TRAPPC13: variants seen among roughly 807,000 people sequenced by gnomAD.
TRAPPC13 encodes the protein trafficking protein particle complex subunit 13, also known as REV7-interacting novel NHEJ regulator 1.
TRAPPC13 carries 39 observed loss-of-function variants against 54.0 expected under a neutral mutation model. That is an observed-to-expected ratio of 0.72 (90% CI 0.56 to 0.94). TRAPPC13 has a LOEUF of 0.94. Ranked by LOEUF, TRAPPC13 falls within the 40% of genes least tolerant of loss-of-function variation. TRAPPC13 has a pLI of 0.00. For synonymous variants in TRAPPC13, 148 were observed against 167.7 expected, an observed-to-expected ratio of 0.88 and a Z score of 0.91; for missense variants, 386 against 488.1, an observed-to-expected ratio of 0.79 and a Z score of 1.97.
intron 8 of TRAPPC13, 168 bp from the exon 9 acceptor site, chr5:65,658,200 A>G: frequency 1.8e-6 from 1 of 567,288 alleles, no homozygotes; most frequent in Non-Finnish European, 2.8e-6. Flanking sequence ...TAATTATGAT[A>G]GGGTGAAGAT....
chr5:65,632,163 CT>C (rs1475768218), intron 1 of TRAPPC13, among the ~76,000 whole-genome samples: 2 of 152,068 alleles, frequency 1.3e-5, no homozygotes, highest in Non-Finnish European at 2.9e-5. Context: ...GGGGGTGGGT[CT>C]GAGGCAGGAG....
chr5:65,635,465 T>A (rs1357231059), intron 2 of TRAPPC13, 96 bp downstream of exon 2: 1 of 958,332 alleles, frequency 1.0e-6, no homozygotes, highest in Non-Finnish European at 1.6e-6. Flanking sequence ...GTAAATTTTA[T>A]GCTAACCATT....
At chr5:65,653,871 G>A (rs1327095962) in intron 7 of TRAPPC13, among the ~76,000 whole-genome samples, 1 of 152,042 alleles carries the variant, frequency 6.6e-6, no homozygotes, top group Non-Finnish European at 1.5e-5. Context: ...CCTCTTTTTT[G>A]TTATTAATAC....
intron 4 of TRAPPC13, among the ~76,000 whole-genome samples, chr5:65,641,712 GAA>G (rs67025717): frequency 7.2e-5 from 10 of 138,276 alleles, no homozygotes; most frequent in East Asian, 2.2e-4. Context: ...CCCTGTCTGA[GAA>G]AAAAAAAAAA....
intron 1 of TRAPPC13, chr5:65,630,089 A>G (rs1755464205): frequency 6.5e-7 from 1 of 1,536,012 alleles, no homozygotes; most frequent in Non-Finnish European, 8.7e-7. Flanking sequence ...TTATAGAGCA[A>G]GATGGACAAT....
At chr5:65,643,064 A>C (rs1756029783) in intron 4 of TRAPPC13, among the ~76,000 whole-genome samples, 1 of 151,928 alleles carries the variant, frequency 6.6e-6, no homozygotes. Flanking sequence ...CTTTTTTTAT[A>C]TTTTTATCAT....
At chr5:65,634,896 CA>C (rs927627229) in intron 1 of TRAPPC13, 928 of 600,566 alleles carry the variant, frequency 1.5e-3, no homozygotes, top group South Asian at 1.7e-3. Flanking sequence ...AAGCCTGTCT[CA>C]AAAAAAAAAC....
Position 65,647,153 on chromosome 5 carries a change from T to A in TRAPPC13, c.399T>A (p.His133Gln). The change falls in exon 5 of 13, where the codon CAT becomes CAA. Residue 133 changes from histidine to glutamine, a missense_variant. Coordinates refer to ENST00000399438, the MANE Select transcript of TRAPPC13 (RefSeq NM_024941.4). ...KPDCCIDDVI[H>Q]HEVKEIGTHI... ...ATTGTTGTATTGATGATGTCATACATCATGAAGTCAAAGAAATTGGAACAC... is the reference window on the plus strand; with the variant it reads ...ATTGTTGTATTGATGATGTCATACAACATGAAGTCAAAGAAATTGGAACAC... The A allele has an allele frequency of 6.3e-7, 1 of 1,583,976 alleles. No individual in the cohort carries two copies. The highest frequency in any genetic ancestry group is 8.6e-7 in the Non-Finnish European group (1 of 1,163,624).
rs142592214 is a variant in TRAPPC13 at position 65,641,502 on chromosome 5, C to T, written c.300+3722C>T. 4.6e-3 allele frequency among the ~76,000 whole-genome samples: 705 copies of T among 152,084 alleles called. 4 individuals are homozygous for T. The highest frequency in any genetic ancestry group is 0.034 in the Middle Eastern group (10 of 294). On this transcript the variant is annotated intron_variant, in intron 4 of 12. Coordinates refer to ENST00000399438, the MANE Select transcript of TRAPPC13 (RefSeq NM_024941.4). Reference sequence around the variant, plus strand: ...GAGGAGCCCTTGAATCCAGGAGGATCCCCAGGACTCACCTGGGGAATATAA... The same window carrying T: ...GAGGAGCCCTTGAATCCAGGAGGATTCCCAGGACTCACCTGGGGAATATAA...
chr5:65,660,694 C>G lies in TRAPPC13; in HGVS notation c.699-5C>G, dbSNP rs370292748. The G allele has an allele frequency of 1.1e-5, 17 of 1,586,658 alleles. No homozygotes were observed. In the African/African-American group the frequency reaches 1.9e-4, roughly 18 times the overall value. On this transcript the variant is annotated splice_polypyrimidine_tract_variant and splice_region_variant and intron_variant, in intron 9 of 12. Transcript: ENST00000399438. ...TTTCTCCGTCTCTGTCTCCACCCCT[C>G]TCAGTGTGTCTACGTTTGGGTCAAG...
intron 4 of TRAPPC13, among the ~76,000 whole-genome samples, chr5:65,639,586 A>G (rs1038023238): frequency 6.6e-6 from 1 of 152,232 alleles, no homozygotes; most frequent in African/African-American, 2.4e-5. Flanking sequence ...GTTTAAGCCC[A>G]GGAGTTTGAG....
chr5:65,636,586 G>T (rs947954037), intron 3 of TRAPPC13, among the ~76,000 whole-genome samples: 1 of 151,622 alleles, frequency 6.6e-6, no homozygotes, highest in African/African-American at 2.4e-5. Context: ...TTCTTCTTTA[G>T]ATCTTACTAT....
chr5:65,646,136 T>G (rs2150678532), intron 4 of TRAPPC13, among the ~76,000 whole-genome samples: 1 of 151,714 alleles, frequency 6.6e-6, no homozygotes, highest in East Asian at 1.9e-4. Context: ...GTGATAAATG[T>G]TACAAAGGAA....
At chr5:65,627,625 C>CAAAAAAAAAAA (rs77913020) in intron 1 of TRAPPC13, among the ~76,000 whole-genome samples, 1 of 120,410 alleles carries the variant, frequency 8.3e-6, no homozygotes. Context: ...GACTCTGTCT[C>CAAAAAAAAAAA]AAAAAAAAAA....
intron 4 of TRAPPC13, among the ~76,000 whole-genome samples, chr5:65,641,069 G>T (rs1416443489): frequency 6.6e-6 from 1 of 151,980 alleles, no homozygotes; most frequent in African/African-American, 2.4e-5. Flanking sequence ...GAGTAGCTGG[G>T]ATTGCAGGGG....
In TRAPPC13 at chr5:65,647,052, A is replaced by G. The variant is rs1489840991; in HGVS notation, c.301-3A>G. On this transcript the variant is annotated splice_region_variant and splice_polypyrimidine_tract_variant and intron_variant, in intron 4 of 12. Coordinates refer to ENST00000399438, the MANE Select transcript of TRAPPC13 (RefSeq NM_024941.4). ...TTTTTTTTTTTTTTAACTTTCTTTC[A>G]AGGCTGATCTTCAGACAAGTTCTCA... The G allele has an allele frequency of 1.3e-6, 2 of 1,520,272 alleles. No homozygotes were observed. Among genetic ancestry groups the G allele is most frequent in the Admixed American group, 2.3e-5 (1 of 43,968 alleles). The allele number at this position is 1,520,272 out of a possible 1,614,324, so 94.2% of individuals were successfully genotyped here.
At chr5:65,629,495 G>C in intron 1 of TRAPPC13, 1 of 1,434,604 alleles carries the variant, frequency 7.0e-7, no homozygotes. Flanking sequence ...TTTGGCAAGA[G>C]AGACAATCTT....
At chr5:65,650,519 A>G (rs1463471598) in intron 5 of TRAPPC13, among the ~76,000 whole-genome samples, 1 of 152,124 alleles carries the variant, frequency 6.6e-6, no homozygotes, top group Non-Finnish European at 1.5e-5. Flanking sequence ...TATATACTCA[A>G]ATATTTGATT....
At chr5:65,631,687 G>A (rs1755549071) in intron 1 of TRAPPC13, among the ~76,000 whole-genome samples, 2 of 152,108 alleles carry the variant, frequency 1.3e-5, no homozygotes. Flanking sequence ...CTACGTTGCT[G>A]CAAAGGCCAT....
Sources: allele counts gnomAD v4.1 joint callset (sites outside exome capture counted in the v4.1 genomes callset), GRCh38; gene constraint gnomAD v4.1.1; transcripts MANE v1.5; gene names NCBI Gene and HGNC (gene_info 2026-07-23, HGNC 2026-07-21).